Variants in ZFAND4 observed in about 807,000 individuals in gnomAD.
ZFAND4 encodes AN1-type zinc finger protein 4.
In ZFAND4, 43 loss-of-function variants were observed where a neutral mutation model predicts 64.4. The observed-to-expected ratio is 0.67, with a 90% CI of 0.52 to 0.86. The LOEUF (loss-of-function observed/expected upper bound fraction) is 0.86. Among genes scored for constraint, ZFAND4 ranks in the 40% least tolerant of loss-of-function variants. ZFAND4 has a pLI of 0.00. For missense variants in ZFAND4, 929 were observed against 859.8 expected (o/e 1.08, Z -1.01); for synonymous variants, 296 against 305.7 (o/e 0.97, Z 0.33).
At chr10:45,653,210 C>A in intron 2 of ZFAND4, 151 bp from the exon 3 acceptor site, 1 of 602,286 alleles carries the variant, frequency 1.7e-6, no homozygotes, top group South Asian at 2.1e-5. Context: ...TTTACAGAAT[C>A]ATAGGTAGAA....
At position 45,663,693 on chromosome 10, in the gene ZFAND4, A is replaced by C. The variant is rs2048623606; in HGVS notation, c.33T>G (p.Asn11Lys). 2 of 1,603,216 alleles carry C rather than the reference A, an allele frequency of 1.2e-6. No individual in the cohort carries two copies. Among genetic ancestry groups the C allele is most frequent in the East Asian group, 4.5e-5 (2 of 44,650 alleles). MDNRKEPPFF[N>K]DDNMGPFYYR... Reference sequence around the variant, plus strand: ...AGTAAAATGGTCCCATGTTATCATCATTGAAGAATGGAGGCTCTTTTCTGT... The same window carrying C: ...AGTAAAATGGTCCCATGTTATCATCCTTGAAGAATGGAGGCTCTTTTCTGT... The change falls in exon 2 of 10, where the codon AAT (asparagine) becomes AAG (lysine). Residue 11 changes from asparagine (N) to lysine (K), a missense_variant. By Grantham distance (94) the Asn-to-Lys change is moderately conservative. Transcript: ENST00000344646.
At chr10:45,636,474 A>G (rs918299128) in intron 6 of ZFAND4, among the ~76,000 whole-genome samples, 57 of 152,204 alleles carry the variant, frequency 3.7e-4, no homozygotes, top group African/African-American at 1.3e-3. Context: ...CGTCTCTACT[A>G]AAAATACAAA....
At chr10:45,637,039 C>G (rs1003225659) in intron 6 of ZFAND4, among the ~76,000 whole-genome samples, 7 of 150,974 alleles carry the variant, frequency 4.6e-5, no homozygotes, top group Non-Finnish European at 7.4e-5. Flanking sequence ...CCCCACTTTA[C>G]GTTATATCAG....
intron 2 of ZFAND4, among the ~76,000 whole-genome samples, chr10:45,659,208 C>G (rs959171303): frequency 1.2e-4 from 18 of 152,184 alleles, no homozygotes; most frequent in African/African-American, 3.6e-4. Context: ...AGCTAAGATA[C>G]ACTTTGAAGG....
In ZFAND4 at chr10:45,618,159, C is replaced by A. The variant is rs199863028; in HGVS notation, c.2029G>T (p.Ala677Ser). The A allele has an allele frequency of 9.1e-5, 147 of 1,613,102 alleles. 1 individual carries two copies. Among genetic ancestry groups the A allele is most frequent in the Middle Eastern group, 5.0e-4 (3 of 6,060 alleles). The stretch of plus-strand genomic sequence containing the variant: ...ACCTGCCTGCATTCGTAGCTACTAG[C>A]CAGTCCTGTTTTCTTTCCACAAAGA... ...CFLCGKKTGLASSYECRCGNN... is the reference protein window; with the variant it reads ...CFLCGKKTGLSSSYECRCGNN... The change falls in exon 9 of 10, where the codon GCT becomes TCT. Residue 677 changes from alanine to serine, a missense_variant. By Grantham distance (99) the Ala-to-Ser change is moderately conservative. Transcript: ENST00000344646.
At chr10:45,641,129 C>G (rs2133707568) in intron 5 of ZFAND4, among the ~76,000 whole-genome samples, 1 of 152,144 alleles carries the variant, frequency 6.6e-6, no homozygotes, top group East Asian at 1.9e-4. Context: ...GAGTCTGCAC[C>G]AGGCACAGCG....
chr10:45,642,341 C>T (rs2047060280), intron 5 of ZFAND4, among the ~76,000 whole-genome samples: 3 of 152,138 alleles, frequency 2.0e-5, no homozygotes, highest in Admixed American at 6.5e-5. Flanking sequence ...GGCGTGATGG[C>T]TCACGCCTGT....
Position 45,626,008 on chromosome 10 carries a change from A to AAG in ZFAND4, c.1814_1815insCT (p.Gln606PhefsTer13), listed in dbSNP as rs2045792714. The AAG allele has an allele frequency of 6.2e-7, 1 of 1,614,072 alleles. No homozygotes were observed. Among genetic ancestry groups the AAG allele is most frequent in the South Asian group, 1.1e-5 (1 of 91,086 alleles). On this transcript the variant is annotated frameshift_variant, in exon 7 of 10. Coordinates refer to ENST00000344646, the MANE Select transcript of ZFAND4 (RefSeq NM_174890.4). LOFTEE classifies it high-confidence loss of function. ...AACTTTTCCTAAAGTTTTCTTCCTG[A>AAG]AAATGCTGGAGGTTTGTAGACAGCC...
At chr10:45,667,973 T>A (rs1485182852) in intron 1 of ZFAND4, among the ~76,000 whole-genome samples, 1 of 152,222 alleles carries the variant, frequency 6.6e-6, no homozygotes, top group Admixed American at 6.5e-5. Context: ...TAGGTGGGTT[T>A]TCTTTTTAAT....
At chr10:45,631,204 C>T (rs1206186525) in intron 6 of ZFAND4, among the ~76,000 whole-genome samples, 5 of 150,998 alleles carry the variant, frequency 3.3e-5, no homozygotes, top group Non-Finnish European at 7.4e-5. Flanking sequence ...TGTAGTCCAG[C>T]TACTCCGGAG....
At chr10:45,668,834 T>A (rs543306489) in intron 1 of ZFAND4, among the ~76,000 whole-genome samples, 1 of 152,338 alleles carries the variant, frequency 6.6e-6, no homozygotes, top group South Asian at 2.1e-4. Flanking sequence ...GAAATAAAGA[T>A]GTTCTTTGAA....
chr10:45,622,032 T>A (rs1207132379), intron 8 of ZFAND4, among the ~76,000 whole-genome samples: 1 of 152,108 alleles, frequency 6.6e-6, no homozygotes, highest in East Asian at 1.9e-4. Context: ...AATGCAAATT[T>A]CCAAGAAGAT....
intron 5 of ZFAND4, among the ~76,000 whole-genome samples, chr10:45,647,783 A>T (rs1343166632): frequency 6.6e-6 from 1 of 152,080 alleles, no homozygotes; most frequent in African/African-American, 2.4e-5. Flanking sequence ...GAAAGGAGAT[A>T]AAAAAATCAT....
At chr10:45,622,666 T>C (rs1212511633) in intron 8 of ZFAND4, among the ~76,000 whole-genome samples, 1 of 152,216 alleles carries the variant, frequency 6.6e-6, no homozygotes, top group East Asian at 1.9e-4. Context: ...AGGGTTGGCT[T>C]GTGAAAAGTT....
At chr10:45,666,259 AAGT>A (rs1472500730) in intron 1 of ZFAND4, among the ~76,000 whole-genome samples, 1 of 152,190 alleles carries the variant, frequency 6.6e-6, no homozygotes, top group Non-Finnish European at 1.5e-5. Context: ...AGTGGGTGTG[AAGT>A]AGTATCTCAC....
intron 8 of ZFAND4, among the ~76,000 whole-genome samples, chr10:45,620,456 A>C (rs1006164418): frequency 1.3e-5 from 2 of 152,254 alleles, no homozygotes; most frequent in African/African-American, 4.8e-5. Flanking sequence ...ACTTCAGCCT[A>C]ATCAGGTAAC....
chr10:45,643,393 G>C (rs969919675), intron 5 of ZFAND4, among the ~76,000 whole-genome samples: 1 of 151,182 alleles, frequency 6.6e-6, no homozygotes, highest in East Asian at 2.0e-4. Context: ...ATCCCAGGCC[G>C]GGCACAGTGG....
Position 45,627,011 on chromosome 10 carries a change from A to T in ZFAND4, c.812T>A (p.Val271Asp). The T allele has an allele frequency of 6.2e-7, 1 of 1,610,988 alleles. No homozygotes were observed. The highest frequency in any genetic ancestry group is 8.5e-7 in the Non-Finnish European group (1 of 1,177,860). ...TAPSRHRLLR[V>D]LPNIGQSCSP... Reference sequence around the variant, plus strand: ...ACAAGATTGACCAATGTTGGGGAGGACCCTTAACAATCGGTGGCGAGATGG... The same window carrying T: ...ACAAGATTGACCAATGTTGGGGAGGTCCCTTAACAATCGGTGGCGAGATGG... Residue 271 changes from valine to aspartate, a missense_variant, in exon 7 of 10, where the codon GTC becomes GAC. Physicochemically the swap from Val to Asp is radical, Grantham distance 152 (BLOSUM62 -3). Transcript: ENST00000344646.
chr10:45,663,826 T>C lies in ZFAND4; in HGVS notation c.-101A>G, dbSNP rs1183974057. The C allele has an allele frequency of 1.9e-6, 2 of 1,047,776 alleles. No individual in the cohort carries two copies. The highest frequency in any genetic ancestry group is 2.6e-6 in the Non-Finnish European group (2 of 767,086). 64.9% of individuals were successfully genotyped at this position (1,047,776 alleles called of 1,614,324 possible). On this transcript the variant is annotated 5_prime_UTR_variant, in exon 2 of 10. An upstream start codon of the reference 5' UTR is lost. Transcript: ENST00000344646. ...GATTGGTAATATATATTGTTGTTCA[T>C]GTTTTGAGTTTTGTACCTAAAAAAA...
Sources: allele counts gnomAD v4.1 joint callset (sites outside exome capture counted in the v4.1 genomes callset), GRCh38; gene constraint gnomAD v4.1.1; transcripts MANE v1.5; gene names NCBI Gene and HGNC (gene_info 2026-07-23, HGNC 2026-07-21).